The following ZZEF1 variants were observed in gnomAD, a reference collection of about 807,000 sequenced individuals.
ZZEF1 encodes zinc finger ZZ-type and EF-hand domain containing 1, also known as zinc finger ZZ-type and EF-hand domain-containing protein 1.
A neutral mutation model predicts 342.8 loss-of-function variants in ZZEF1; 157 were observed. The ratio of observed to expected loss-of-function variants is 0.46; its 90% CI spans 0.40 to 0.52. The LOEUF (loss-of-function observed/expected upper bound fraction) is 0.52. Among genes scored for constraint, ZZEF1 ranks in the 20% least tolerant of loss-of-function variants. ZZEF1 has a pLI of 0.00. For synonymous variants in ZZEF1, 1,505 were observed against 1,429.1 expected (o/e 1.05, Z -1.20); for missense variants, 3,480 against 3,725.6 (o/e 0.93, Z 1.72).
Position 4,117,030 on chromosome 17 carries a change from G to A in ZZEF1, c.636C>T (p.Cys212=), listed in dbSNP as rs747212723. ...CCTTCAGGACGGAAGACCGCATGGT[G>A]CACATGTTATTGCAGTGCTCCAGCA... ...YPMLEHCNNM[C]TMRSSVLKES... is the part of the protein sequence containing the mutation. The change falls in exon 3 of 55, where the codon TGC becomes TGT. Residue 212 remains cysteine, a synonymous_variant. Transcript: ENST00000381638. 4.3e-6 allele frequency: 7 copies of A among 1,613,922 alleles called. No individual in the cohort carries two copies. The East Asian group carries it at 8.9e-5, about 21-fold the overall frequency.
chr17:4,008,753 C>A lies in ZZEF1; in HGVS notation c.8805+130G>T. 1 of 1,442,920 alleles carries A rather than the reference C, an allele frequency of 6.9e-7. No individual in the cohort carries two copies. Among genetic ancestry groups the A allele is most frequent in the Non-Finnish European group, 9.1e-7 (1 of 1,095,876 alleles). The allele number at this position is 1,442,920 out of a possible 1,614,324, so 89.4% of individuals were successfully genotyped here. A position where few individuals can be genotyped will look rare whatever the true frequency, so the allele number is the denominator to read the frequency against. ...CCAGGAGGAAGTGACTGAACTGGAA[C>A]AAGCTCTGTGTAAGCTCCGGGTGGA... is the stretch of plus-strand genomic sequence containing the variant. On this transcript the variant is annotated intron_variant, in intron 54 of 54. Transcript: ENST00000381638. This position sits in a 1 kb window ranked among gnomAD's most constrained non-coding sequence, Gnocchi z 4.2.
At chr17:4,039,666 C>G (rs1458505170) in intron 39 of ZZEF1, among the ~76,000 whole-genome samples, 1 of 113,258 alleles carries the variant, frequency 8.8e-6, no homozygotes, top group East Asian at 2.6e-4. Flanking sequence ...TTTTTTGAGA[C>G]AGAGTCTCAC....
chr17:4,112,481 A>G (rs1464182017), intron 5 of ZZEF1, 128 bp downstream of exon 5: 1 of 958,924 alleles, frequency 1.0e-6, no homozygotes, highest in African/African-American at 1.6e-5. Flanking sequence ...TAATGAATGA[A>G]ATAATGAACA....
intron 1 of ZZEF1, among the ~76,000 whole-genome samples, chr17:4,130,033 G>GA (rs1238146384): frequency 6.6e-6 from 1 of 152,150 alleles, no homozygotes; most frequent in Non-Finnish European, 1.5e-5. Context: ...TGAGAGGAGG[G>GA]AGAGGACCAG....
In ZZEF1 at chr17:4,017,562, G is replaced by A. The variant is rs1441857815; in HGVS notation, c.7810C>T (p.Arg2604Trp). The change falls in exon 48 of 55, where the codon CGG (arginine) becomes TGG (tryptophan). Residue 2604 changes from arginine (R) to tryptophan (W), a missense_variant. Physicochemically the swap from Arg to Trp is moderately radical, Grantham distance 101. Coordinates refer to ENST00000381638, the MANE Select transcript of ZZEF1 (RefSeq NM_015113.4). This position sits in a 1 kb window ranked among gnomAD's most constrained non-coding sequence, Gnocchi z 5.1. ...TCGTTCACTCGGAAGAGGTAGTCCC[G>A]GACAGCCCTCTTACTCTTGCAGTTC... Reference protein sequence around the residue: ...ELNCKSKRAVRDYLFRVNEAT... With the variant: ...ELNCKSKRAVWDYLFRVNEAT... The A allele has an allele frequency of 5.6e-6, 9 of 1,614,114 alleles. No homozygotes were observed. The highest frequency in any genetic ancestry group is 2.2e-5 in the East Asian group (1 of 44,898).
At chr17:4,122,596 T>C (rs1435376198) in intron 2 of ZZEF1, among the ~76,000 whole-genome samples, 1 of 152,162 alleles carries the variant, frequency 6.6e-6, no homozygotes, top group Non-Finnish European at 1.5e-5. Flanking sequence ...GTCAGGCTGG[T>C]TTTGAACTCC....
At chr17:4,057,012 G>C (rs2057175938) in intron 32 of ZZEF1, 1 of 152,198 alleles carries the variant, frequency 6.6e-6, no homozygotes, top group Non-Finnish European at 1.5e-5. Flanking sequence ...ATTTGCTTAA[G>C]AGCAAATACA....
chr17:4,089,010 A>G, intron 12 of ZZEF1, 117 bp from the exon 13 acceptor site: 1 of 874,346 alleles, frequency 1.1e-6, no homozygotes, highest in African/African-American at 1.7e-5. Context: ...TTATTAGGAA[A>G]CATTATGCTC....
chr17:4,025,199 A>T, intron 42 of ZZEF1, 81 bp from the exon 43 acceptor site: 1 of 1,322,946 alleles, frequency 7.6e-7, no homozygotes, highest in African/African-American at 1.4e-5. Context: ...CTATAGTAAC[A>T]TGCCTTACTA....
At position 4,117,170 on chromosome 17, in the gene ZZEF1, A is replaced by C; in HGVS notation, c.500-4T>G. ...TCTGAAAATATGTCTGTGAAACCTAAACAGATGAAATCCATTTTTGGTGTT... is the reference window on the plus strand; with the variant it reads ...TCTGAAAATATGTCTGTGAAACCTACACAGATGAAATCCATTTTTGGTGTT... On this transcript the variant is annotated splice_polypyrimidine_tract_variant and splice_region_variant and intron_variant, in intron 2 of 54. Transcript: ENST00000381638. The C allele has an allele frequency of 1.2e-6, 2 of 1,602,904 alleles. No homozygotes were observed. Among genetic ancestry groups the C allele is most frequent in the South Asian group, 2.2e-5 (2 of 90,274 alleles).
chr17:4,112,881 C>T lies in ZZEF1; in HGVS notation c.867-73G>A, dbSNP rs552672269. ...AACTGACAGGATCCAGAAGTCCCAC[C>T]TCAAAGAGCTTACATTTGATATATC... On this transcript the variant is annotated intron_variant, in intron 4 of 54. Coordinates refer to ENST00000381638, the MANE Select transcript of ZZEF1 (RefSeq NM_015113.4). 3.1e-5 allele frequency: 40 copies of T among 1,296,512 alleles called. 1 individual carries two copies. The South Asian group carries it at 4.7e-4, about 15-fold the overall frequency. 80.3% of individuals were successfully genotyped at this position (1,296,512 alleles called of 1,614,324 possible).
intron 40 of ZZEF1, chr17:4,033,281 A>G: frequency 3.0e-6 from 1 of 336,170 alleles, no homozygotes; most frequent in Non-Finnish European, 5.5e-6. Context: ...AACACAGAAG[A>G]AAATGTAGTG....
At chr17:4,046,795 T>C (rs2056923943) in intron 37 of ZZEF1, among the ~76,000 whole-genome samples, 1 of 152,244 alleles carries the variant, frequency 6.6e-6, no homozygotes, top group Admixed American at 6.5e-5. Context: ...CACAGGACAC[T>C]GTAAACAGAA....
chr17:4,042,651 T>G, intron 38 of ZZEF1, 83 bp from the exon 39 acceptor site: 1 of 1,360,698 alleles, frequency 7.3e-7, no homozygotes, highest in Non-Finnish European at 1.0e-6. Flanking sequence ...CTGTCCCCTG[T>G]GCTGCTACGG....
At chr17:4,065,441 A>G (rs2057373676) in intron 28 of ZZEF1, among the ~76,000 whole-genome samples, 1 of 152,064 alleles carries the variant, frequency 6.6e-6, no homozygotes, top group Non-Finnish European at 1.5e-5. Context: ...AAAAAGTGAT[A>G]CACATATTTA....
At chr17:4,131,605 C>G (rs747819427) in intron 1 of ZZEF1, among the ~76,000 whole-genome samples, 3 of 151,858 alleles carry the variant, frequency 2.0e-5, no homozygotes, top group Non-Finnish European at 4.4e-5. Context: ...GTGGCAAAAC[C>G]TCCTCTCTAC....
chr17:4,043,783 C>T (rs975301142), intron 38 of ZZEF1, among the ~76,000 whole-genome samples: 8 of 152,222 alleles, frequency 5.3e-5, no homozygotes, highest in South Asian at 2.1e-4. Context: ...CCCTAGATCT[C>T]TTCCTCTCTA....
intron 23 of ZZEF1, 79 bp from the exon 24 acceptor site, chr17:4,074,430 GA>G: frequency 7.1e-7 from 1 of 1,410,198 alleles, no homozygotes; most frequent in Non-Finnish European, 1.0e-6. Flanking sequence ...TTCATGACGA[GA>G]AACATCTCAG....
intron 38 of ZZEF1, among the ~76,000 whole-genome samples, chr17:4,042,826 C>T (rs997878025): frequency 6.6e-5 from 10 of 152,200 alleles, no homozygotes; most frequent in South Asian, 2.1e-4. Context: ...GGATTACAGG[C>T]GTGCGCCACC....
Sources: allele counts gnomAD v4.1 joint callset (sites outside exome capture counted in the v4.1 genomes callset), GRCh38; gene constraint gnomAD v4.1.1; non-coding constraint Gnocchi (gnomAD v3.1); transcripts MANE v1.5; gene names NCBI Gene and HGNC (gene_info 2026-07-23, HGNC 2026-07-21).